JADE2: variants seen among roughly 807,000 people sequenced by gnomAD.
JADE2 encodes the protein E3 ubiquitin-protein ligase Jade-2.
JADE2 carries 13 observed loss-of-function variants against 85.7 expected under a neutral mutation model. The ratio of observed to expected loss-of-function variants is 0.15; its 90% CI spans 0.10 to 0.24. The LOEUF (loss-of-function observed/expected upper bound fraction) is 0.24. Ranked by LOEUF, JADE2 falls within the 10% of genes least tolerant of loss-of-function variation. The pLI is 1.00. For missense variants in JADE2, 846 were observed against 1,115.9 expected, an observed-to-expected ratio of 0.76 and a Z score of 3.45; for synonymous variants, 440 against 456.1, an observed-to-expected ratio of 0.96 and a Z score of 0.45.
intron 8 of JADE2, 137 bp downstream of exon 8, chr5:134,564,747 G>A (rs1453663884): frequency 3.6e-6 from 2 of 555,768 alleles, no homozygotes; most frequent in South Asian, 2.5e-5. Context: ...TGGGACTGGG[G>A]CCAGAGTCAG....
intron 9 of JADE2, among the ~76,000 whole-genome samples, chr5:134,571,155 C>T (rs897597957): frequency 2.6e-4 from 40 of 152,238 alleles, no homozygotes; most frequent in Non-Finnish European, 7.3e-5. Context: ...TGGCCTCTGC[C>T]TCTGCCAGGT....
chr5:134,571,488 G>A (rs1764010022), intron 9 of JADE2, among the ~76,000 whole-genome samples: 1 of 152,166 alleles, frequency 6.6e-6, no homozygotes, highest in African/African-American at 2.4e-5. Flanking sequence ...CAGGAGGTCA[G>A]GAGTTCAAGA....
chr5:134,558,801 A>T (rs1377110005), intron 4 of JADE2, among the ~76,000 whole-genome samples: 1 of 152,176 alleles, frequency 6.6e-6, no homozygotes, highest in East Asian at 1.9e-4. Flanking sequence ...GACTCCCAAA[A>T]TGCTGGGATT....
chr5:134,547,362 G>A (rs952219176), intron 3 of JADE2, among the ~76,000 whole-genome samples: 1 of 152,252 alleles, frequency 6.6e-6, no homozygotes, highest in Admixed American at 6.5e-5. Flanking sequence ...CTCCTAAGCA[G>A]CTCAGCAGAA....
chr5:134,570,826 A>G (rs540771813), intron 9 of JADE2, among the ~76,000 whole-genome samples: 1 of 152,144 alleles, frequency 6.6e-6, no homozygotes, highest in Admixed American at 6.5e-5. Context: ...CTCAGGCTCC[A>G]CTGTCTTTCA....
At chr5:134,530,613 G>T (rs1046594300) in intron 1 of JADE2, among the ~76,000 whole-genome samples, 1 of 152,218 alleles carries the variant, frequency 6.6e-6, no homozygotes, top group South Asian at 2.1e-4. Context: ...GGTCTTTAAA[G>T]GGGGCTGGCA....
chr5:134,552,435 G>A (rs1452113909), intron 4 of JADE2, among the ~76,000 whole-genome samples: 1 of 152,224 alleles, frequency 6.6e-6, no homozygotes, highest in African/African-American at 2.4e-5. Flanking sequence ...CAGAATGCTT[G>A]CGTTCCTGTT....
rs181865388 is a variant in JADE2, at chr5:134,575,142, G to A, written c.1552+1380G>A. 2.0e-5 allele frequency: 3 copies of A among 152,412 alleles called. No individual in the cohort carries two copies. In the East Asian group the frequency reaches 5.8e-4, roughly 29 times the overall value. 9.4% of individuals were successfully genotyped at this position (152,412 alleles called of 1,614,324 possible). On this transcript the variant is annotated intron_variant, in intron 10 of 11. Transcript: ENST00000681547. ...GTTCTGGGGACATTTGCAACTCCTT[G>A]TCTTGAGTGTCAACAACAGGCAGCT...
In JADE2 at chr5:134,579,130, T is replaced by C; in HGVS notation, c.2318T>C (p.Met773Thr). ...RLPGARPDAG[M>T]GPPSAVAERP... ...CCGGGTGCCAGGCCTGATGCTGGGA[T>C]GGGACCACCTTCAGCTGTGGCTGAG... Residue 773 changes from methionine (M) to threonine (T), a missense_variant, in exon 12 of 12, where the codon ATG becomes ACG. Met to Thr is a moderately conservative substitution (Grantham distance 81, BLOSUM62 -1). Around this residue, in one of 9 missense-constraint regions of JADE2, gnomAD observed 300 missense variants for 300.7 expected, o/e 1.00. Coordinates refer to ENST00000681547, the MANE Select transcript of JADE2 (RefSeq NM_001388185.1). This position sits in a 1 kb window ranked among gnomAD's most constrained non-coding sequence, Gnocchi z 4.6. The C allele has an allele frequency of 6.2e-7, 1 of 1,614,188 alleles. No individual in the cohort carries two copies. Among genetic ancestry groups the C allele is most frequent in the East Asian group, 2.2e-5 (1 of 44,876 alleles).
chr5:134,558,793 C>G (rs931444370), intron 4 of JADE2, among the ~76,000 whole-genome samples: 2 of 152,252 alleles, frequency 1.3e-5, no homozygotes, highest in Non-Finnish European at 2.9e-5. Flanking sequence ...CCGCCTTGGA[C>G]TCCCAAAATG....
intron 3 of JADE2, among the ~76,000 whole-genome samples, chr5:134,541,996 A>G (rs1002240205): frequency 1.3e-5 from 2 of 152,210 alleles, no homozygotes; most frequent in African/African-American, 4.8e-5. Context: ...AGGGGGAGTG[A>G]GTGCGGGCCT....
At position 134,566,020 on chromosome 5, in the gene JADE2, G is replaced by T. The variant is rs1426717946; in HGVS notation, c.970-96G>T. ...TTCTGTTTAGGTTCTCTCCAGCATTGCGCATTCTCAGTAGAGCCCTGGGGG... is the reference window on the plus strand; with the variant it reads ...TTCTGTTTAGGTTCTCTCCAGCATTTCGCATTCTCAGTAGAGCCCTGGGGG... On this transcript the variant is annotated intron_variant, in intron 8 of 11. Transcript: ENST00000681547. The surrounding 1 kb of genome is among the most constrained non-coding windows in gnomAD (Gnocchi z 6.7). The T allele has an allele frequency of 9.4e-7, 1 of 1,063,922 alleles. No homozygotes were observed. Among genetic ancestry groups the T allele is most frequent in the Non-Finnish European group, 1.4e-6 (1 of 716,604 alleles). The allele number at this position is 1,063,922 out of a possible 1,614,324, so 65.9% of individuals were successfully genotyped here.
chr5:134,572,414 G>A (rs955115927), intron 9 of JADE2, among the ~76,000 whole-genome samples: 6 of 152,246 alleles, frequency 3.9e-5, no homozygotes, highest in South Asian at 2.1e-4. Context: ...GAGGATACCC[G>A]TACGCAGAAG....
intron 1 of JADE2, among the ~76,000 whole-genome samples, chr5:134,532,364 G>A (rs1156543583): frequency 6.6e-6 from 1 of 152,108 alleles, no homozygotes; most frequent in Non-Finnish European, 1.5e-5. Flanking sequence ...AGTGGACTTG[G>A]TGGGGCCGAG....
Position 134,573,761 on chromosome 5 carries a change from A to T in JADE2, c.1551A>T (p.Arg517=), listed in dbSNP as rs1323670312. ...QMKLIEQDLC[R]ERSGRRAKGK... The stretch of plus-strand genomic sequence containing the variant: ...AACTTATTGAACAGGATCTGTGTCG[A>T]GGTAGGCGCCTTCCCCACCTGCCGC... Residue 517 remains arginine, a splice_region_variant and synonymous_variant, in exon 10 of 12, where the codon CGA becomes CGT. Transcript: ENST00000681547. 2 of 1,595,870 alleles carry T rather than the reference A, an allele frequency of 1.3e-6. No individual in the cohort carries two copies. The highest frequency in any genetic ancestry group is 8.6e-7 in the Non-Finnish European group (1 of 1,163,300).
At position 134,565,944 on chromosome 5, in the gene JADE2, C is replaced by T. The variant is rs1179538388; in HGVS notation, c.970-172C>T. 3.3e-5 allele frequency among the ~76,000 whole-genome samples: 5 copies of T among 151,824 alleles called. No homozygotes were observed. In the East Asian group the frequency reaches 9.8e-4, roughly 30 times the overall value. On this transcript the variant is annotated intron_variant, in intron 8 of 11. Coordinates refer to ENST00000681547, the MANE Select transcript of JADE2 (RefSeq NM_001388185.1). ...TTCCAGGCACCCCAGAGCTCCTCCT[C>T]CTCCCCTGCCGTAACTCCCATCCTG...
At position 134,566,173 on chromosome 5, in the gene JADE2, C is replaced by T. The variant is rs1319854338; in HGVS notation, c.1027C>T (p.Leu343=). The T allele has an allele frequency of 6.2e-7, 1 of 1,613,962 alleles. No homozygotes were observed. Among genetic ancestry groups the T allele is most frequent in the Non-Finnish European group, 8.5e-7 (1 of 1,180,030 alleles). Residue 343 remains leucine (L), a synonymous_variant, in exon 9 of 12, where the codon CTG becomes TTG. Transcript: ENST00000681547. This position sits in a 1 kb window ranked among gnomAD's most constrained non-coding sequence, Gnocchi z 6.7. ...TGTCACATGCGCCTTTGACCACGGC[C>T]TGGAAATGCGGACTATATTAGCAGA... ...FHVTCAFDHG[L]EMRTILADND... is the part of the protein sequence containing the mutation.
In JADE2 at chr5:134,579,061, G is replaced by A. The variant is rs1352344722; in HGVS notation, c.2249G>A (p.Gly750Asp). The change falls in exon 12 of 12, where the codon GGC becomes GAC. Residue 750 changes from glycine (G) to aspartate (D), a missense_variant. Gly to Asp is a moderately conservative substitution (Grantham distance 94). Transcript: ENST00000681547. The surrounding 1 kb of genome is among the most constrained non-coding windows in gnomAD (Gnocchi z 4.6). ...PGPAASPKPLGRLRPPRESKV... is the reference protein window; with the variant it reads ...PGPAASPKPLDRLRPPRESKV... ...CCTGCAGCAAGCCCTAAGCCTTTGG[G>A]CCGGCTCCGGCCACCCCGCGAGAGC... 6.2e-7 allele frequency: 1 copy of A among 1,613,998 alleles called. No homozygotes were observed. The highest frequency in any genetic ancestry group is 1.3e-5 in the African/African-American group (1 of 75,046).
intron 10 of JADE2, chr5:134,575,205 G>A (rs1415458229): frequency 6.6e-6 from 1 of 152,276 alleles, no homozygotes; most frequent in Admixed American, 6.5e-5. Context: ...GGAGATGACT[G>A]GTTTGCCCTG....
Sources: gnomAD v4.1 joint callset for allele counts (sites outside exome capture counted in the v4.1 genomes callset) on GRCh38, gnomAD v4.1.1 for gene constraint, gnomAD v4.1.1 regional missense constraint, Gnocchi (gnomAD v3.1) non-coding constraint, MANE v1.5 for transcripts, NCBI Gene and HGNC (gene_info 2026-07-23, HGNC 2026-07-21) for gene names.